The following CRLF3 variants were observed in gnomAD, a reference collection of about 807,000 sequenced individuals.
CRLF3 encodes the protein cytokine receptor-like factor 3.
Under a neutral mutation model 55.0 loss-of-function variants are expected in CRLF3, and 33 were observed. The ratio of observed to expected loss-of-function variants is 0.60; its 90% CI spans 0.46 to 0.80. CRLF3 has a LOEUF of 0.80. Ranked by LOEUF, CRLF3 falls within the 30% of genes least tolerant of loss-of-function variation. The pLI, the probability that CRLF3 is intolerant of heterozygous loss-of-function variation, is 0.00. For synonymous variants in CRLF3, 238 were observed against 196.8 expected (o/e 1.21, Z -1.75); for missense variants, 494 against 538.4 (o/e 0.92, Z 0.82).
intron 4 of CRLF3, among the ~76,000 whole-genome samples, chr17:30,795,474 C>A (rs1266603455): frequency 2.8e-5 from 4 of 140,630 alleles, no homozygotes; most frequent in Non-Finnish European, 6.1e-5. Context: ...CCAGCCTGAA[C>A]AACAACAACG....
At chr17:30,791,070 C>CACCACACCCTGCT (rs1308411306) in intron 6 of CRLF3, among the ~76,000 whole-genome samples, 2 of 152,022 alleles carry the variant, frequency 1.3e-5, no homozygotes, top group African/African-American at 4.8e-5. Flanking sequence ...AGGTGTGTGC[C>CACCACACCCTGCT]ACCACACCCT....
intron 6 of CRLF3, among the ~76,000 whole-genome samples, chr17:30,788,596 C>CTTTTTTTTTTTTTTT (rs1429494338): frequency 5.8e-5 from 7 of 120,304 alleles, no homozygotes; most frequent in African/African-American, 2.5e-4. Flanking sequence ...AAAGTAGTGC[C>CTTTTTTTTTTTTTTT]TTCTTTTTTT....
intron 4 of CRLF3, among the ~76,000 whole-genome samples, chr17:30,794,928 C>A (rs1443587936): frequency 6.6e-6 from 1 of 152,186 alleles, no homozygotes; most frequent in African/African-American, 2.4e-5. Flanking sequence ...TTGATAGAAT[C>A]ATCTTGTGGA....
intron 2 of CRLF3, among the ~76,000 whole-genome samples, chr17:30,802,579 T>C (rs1972024773): frequency 6.7e-6 from 1 of 150,194 alleles, no homozygotes; most frequent in Non-Finnish European, 1.5e-5. Context: ...TCCAGGTGCA[T>C]GCCACCATGC....
intron 4 of CRLF3, among the ~76,000 whole-genome samples, chr17:30,795,106 A>G (rs1319139184): frequency 1.3e-5 from 2 of 152,180 alleles, no homozygotes; most frequent in Non-Finnish European, 2.9e-5. Context: ...CACTGATAGG[A>G]AAAATAATAA....
chr17:30,804,909 G>A (rs1232098167), intron 1 of CRLF3, among the ~76,000 whole-genome samples: 4 of 152,126 alleles, frequency 2.6e-5, no homozygotes, highest in African/African-American at 4.8e-5. Context: ...TCAGCCGGGC[G>A]CAGTGCCTCA....
chr17:30,801,529 C>T (rs1348407287), intron 2 of CRLF3: 1 of 152,172 alleles, frequency 6.6e-6, no homozygotes, highest in Non-Finnish European at 1.5e-5. Context: ...CTCCCAGGTT[C>T]AAGTGATTCT....
intron 1 of CRLF3, among the ~76,000 whole-genome samples, chr17:30,805,921 G>A (rs944380667): frequency 6.6e-6 from 1 of 152,096 alleles, no homozygotes; most frequent in African/African-American, 2.4e-5. Context: ...TACTTAGGAG[G>A]CTGAGGTGGG....
chr17:30,809,577 A>G (rs1368535763), intron 1 of CRLF3: 2 of 152,216 alleles, frequency 1.3e-5, no homozygotes, highest in African/African-American at 2.4e-5. Context: ...CAACTTACCC[A>G]AGGCTTCGCA....
Position 30,784,077 on chromosome 17 carries a change from A to C in CRLF3, c.*110T>G. ...AAATGAATCCAGTAAACACTTTCCA[A>C]TGGCCTAAGTTAGAGATGAATTCAA... On this transcript the variant is annotated 3_prime_UTR_variant, in exon 8 of 8. Coordinates refer to ENST00000324238, the MANE Select transcript of CRLF3 (RefSeq NM_015986.4). 1 of 942,488 alleles carries C rather than the reference A, an allele frequency of 1.1e-6. No homozygotes were observed. The highest frequency in any genetic ancestry group is 2.5e-5 in the East Asian group (1 of 40,464). The allele number at this position is 942,488 out of a possible 1,614,324, so 58.4% of individuals were successfully genotyped here.
intron 1 of CRLF3, 78 bp downstream of exon 1, chr17:30,824,445 T>A: frequency 3.6e-6 from 5 of 1,376,470 alleles, no homozygotes; most frequent in Non-Finnish European, 4.8e-6. Context: ...GTCCCACCCC[T>A]CAAAGCCCTC....
chr17:30,799,933 G>A (rs6505211), intron 2 of CRLF3, among the ~76,000 whole-genome samples: 24,820 of 152,124 alleles, frequency 0.16, 2,134 homozygotes, highest in Non-Finnish European at 0.18. Flanking sequence ...ACATTTCATG[G>A]TACTGCTAGA....
Position 30,785,947 on chromosome 17 carries a change from C to T in CRLF3, c.1044G>A (p.Arg348=). Residue 348 remains arginine, a synonymous_variant, in exon 7 of 8, where the codon CGG becomes CGA. Coordinates refer to ENST00000324238, the MANE Select transcript of CRLF3 (RefSeq NM_015986.4). ...TTGTACTAATGCACACAGCTTGATC[C>T]CGCTGCAGAGAGTCATATCCATCCT... ...EKQDGYDSLQ[R]DQAVCISTNG... is the part of the protein sequence containing the mutation. 1 of 1,607,658 alleles carries T rather than the reference C, an allele frequency of 6.2e-7. No homozygotes were observed. The highest frequency in any genetic ancestry group is 1.1e-5 in the South Asian group (1 of 90,880).
chr17:30,786,226 A>C, intron 6 of CRLF3, 195 bp from the exon 7 acceptor site: 3 of 450,354 alleles, frequency 6.7e-6, no homozygotes, highest in South Asian at 3.7e-5. Context: ...TCTTACAACA[A>C]TCTATGAGGT....
At chr17:30,823,551 T>C (rs1483539751) in intron 1 of CRLF3, among the ~76,000 whole-genome samples, 2 of 151,342 alleles carry the variant, frequency 1.3e-5, no homozygotes, top group Non-Finnish European at 2.9e-5. Flanking sequence ...ACTAGATTAA[T>C]ATCAAGTATG....
rs181215652 is a variant in CRLF3 at position 30,782,868 on chromosome 17, T to C, written c.*1319A>G. On this transcript the variant is annotated 3_prime_UTR_variant, in exon 8 of 8. Coordinates refer to ENST00000324238, the MANE Select transcript of CRLF3 (RefSeq NM_015986.4). ...AATAAATTATCTTACAAAAATATCA[T>C]ACTTGCTTTTCTACTTTTTTACTAT... 3.3e-5 allele frequency: 5 copies of C among 151,906 alleles called. No homozygotes were observed. Among genetic ancestry groups the C allele is most frequent in the East Asian group, 1.9e-4 (1 of 5,172 alleles). The allele number at this position is 151,906 out of a possible 1,614,324, so 9.4% of individuals were successfully genotyped here.
chr17:30,796,104 C>A, intron 4 of CRLF3, 56 bp downstream of exon 4: 1 of 1,308,978 alleles, frequency 7.6e-7, no homozygotes, highest in Non-Finnish European at 1.0e-6. Flanking sequence ...TCTGAAAGGC[C>A]TCCAAATCGC....
intron 5 of CRLF3, among the ~76,000 whole-genome samples, chr17:30,793,054 A>T (rs8064650): frequency 6.6e-6 from 1 of 150,808 alleles, no homozygotes; most frequent in African/African-American, 2.4e-5. Flanking sequence ...TACTTGGGAG[A>T]CTGAGGCAGA....
intron 2 of CRLF3, among the ~76,000 whole-genome samples, chr17:30,800,304 T>C (rs1015354175): frequency 2.6e-5 from 4 of 152,214 alleles, no homozygotes; most frequent in Non-Finnish European, 4.4e-5. Context: ...AGATTTGATA[T>C]ATATGCCATT....
Sources: allele counts gnomAD v4.1 joint callset (sites outside exome capture counted in the v4.1 genomes callset), GRCh38; gene constraint gnomAD v4.1.1; transcripts MANE v1.5; gene names NCBI Gene and HGNC (gene_info 2026-07-23, HGNC 2026-07-21).